BNIP1: variants seen among roughly 807,000 people sequenced by gnomAD.
The protein encoded by BNIP1 is vesicle transport protein SEC20.
Under a neutral mutation model 28.5 loss-of-function variants are expected in BNIP1, and 25 were observed. The ratio of observed to expected loss-of-function variants is 0.88; its 90% CI spans 0.64 to 1.23. The LOEUF is 1.23. Ranked by LOEUF, BNIP1 falls within the 50% of genes most tolerant of loss-of-function variation. The probability of loss-of-function intolerance (pLI) is 0.00; values close to 1 mark genes in which losing one functional copy is unlikely to be tolerated. For synonymous variants in BNIP1, 118 were observed against 101.7 expected, an observed-to-expected ratio of 1.16 and a Z score of -0.96; for missense variants, 276 against 277.0, an observed-to-expected ratio of 1.00 and a Z score of 0.02.
chr5:173,160,911 C>G (rs1171176180), intron 5 of BNIP1: 1 of 456,160 alleles, frequency 2.2e-6, no homozygotes. Flanking sequence ...AGAGTGTCTC[C>G]TCTGTGATGG....
In BNIP1 at chr5:173,163,736, C is replaced by T. The variant is rs754530794; in HGVS notation, c.502C>T (p.Arg168Ter). The stretch of plus-strand genomic sequence containing the variant: ...CTCTTTTGTTTCAGTCACTTCTTCA[C>T]GAACGATCCTGGATGCAAATGAAGA... ...EAMQSLVTSSRTILDANEEFK... is the reference protein window; with the variant it reads ...EAMQSLVTSS The change falls in exon 6 of 6, where the codon CGA becomes TGA. Residue 168 changes from arginine (R) to a stop codon, truncating the protein, a stop_gained. Transcript: ENST00000351486. LOFTEE classifies it high-confidence loss of function. 27 of 1,598,504 alleles carry T rather than the reference C, an allele frequency of 1.7e-5. No individual in the cohort carries two copies. Among genetic ancestry groups the T allele is most frequent in the Admixed American group, 6.9e-5 (4 of 58,004 alleles).
chr5:173,145,189 G>T (rs1168669103), intron 1 of BNIP1: 1 of 153,918 alleles, frequency 6.5e-6, no homozygotes, highest in Non-Finnish European at 1.4e-5. Context: ...CTGGGTCAGT[G>T]GCAAAACTGG....
chr5:173,150,239 C>T (rs569250116), intron 2 of BNIP1, among the ~76,000 whole-genome samples: 51 of 145,412 alleles, frequency 3.5e-4, no homozygotes, highest in African/African-American at 1.0e-3. Flanking sequence ...GCCTGGGTGA[C>T]GGAGCAAGAC....
At chr5:173,148,598 C>T (rs1354810918) in intron 2 of BNIP1, among the ~76,000 whole-genome samples, 1 of 152,074 alleles carries the variant, frequency 6.6e-6, no homozygotes, top group Admixed American at 6.5e-5. Context: ...TAGGCCCTCT[C>T]CCTGAGGACA....
intron 3 of BNIP1, 149 bp from the exon 4 acceptor site, chr5:173,158,595 G>T: frequency 1.6e-6 from 1 of 612,018 alleles, no homozygotes. Flanking sequence ...GGAACCAGGA[G>T]GCGGAAGTGG....
chr5:173,157,757 C>A (rs1444169876), intron 3 of BNIP1, among the ~76,000 whole-genome samples: 2 of 152,126 alleles, frequency 1.3e-5, no homozygotes, highest in Admixed American at 6.6e-5. Flanking sequence ...CACCAACTTT[C>A]CGTTATCACC....
Position 173,158,820 on chromosome 5 carries a change from C to T in BNIP1, c.346C>T (p.Gln116Ter). 1 of 1,613,970 alleles carries T rather than the reference C, an allele frequency of 6.2e-7. No individual in the cohort carries two copies. The highest frequency in any genetic ancestry group is 8.5e-7 in the Non-Finnish European group (1 of 1,179,890). Residue 116 changes from glutamine to a stop codon, truncating the protein, a stop_gained, in exon 4 of 6, where the codon CAG becomes TAG. Coordinates refer to ENST00000351486, the MANE Select transcript of BNIP1 (RefSeq NM_001205.3). LOFTEE classifies it high-confidence loss of function. ...IDNLEKAELL[Q>*]GGDLLRQRKT... ...CAATCTAGAGAAAGCAGAACTTCTTCAGGGAGGAGATCTCTTAAGGCAAAG... is the reference window on the plus strand; with the variant it reads ...CAATCTAGAGAAAGCAGAACTTCTTTAGGGAGGAGATCTCTTAAGGCAAAG...
At chr5:173,158,889 A>C (rs973200892) in intron 4 of BNIP1, 44 bp downstream of exon 4, 1 of 1,502,842 alleles carries the variant, frequency 6.7e-7, no homozygotes, top group Non-Finnish European at 9.2e-7. Context: ...ATAATAGATA[A>C]CAATTGGCAA....
chr5:173,155,190 G>A (rs1189186815), intron 3 of BNIP1, among the ~76,000 whole-genome samples: 1 of 152,120 alleles, frequency 6.6e-6, no homozygotes, highest in Non-Finnish European at 1.5e-5. Context: ...AACCAAAATC[G>A]AGGTTGTAAT....
chr5:173,157,921 TG>T (rs1760247076), intron 3 of BNIP1, among the ~76,000 whole-genome samples: 1 of 150,290 alleles, frequency 6.7e-6, no homozygotes, highest in African/African-American at 2.4e-5. Context: ...TGTGTGTGTG[TG>T]TGTGTTTTTT....
At chr5:173,154,249 G>T in intron 2 of BNIP1, 73 bp from the exon 3 acceptor site, 1 of 1,425,064 alleles carries the variant, frequency 7.0e-7, no homozygotes. Context: ...GCCCTTGGCA[G>T]AAATAGAAAT....
At position 173,146,849 on chromosome 5, in the gene BNIP1, T is replaced by C. The variant is rs1759850291; in HGVS notation, c.85-17T>C. 21 of 1,594,976 alleles carry C rather than the reference T, an allele frequency of 1.3e-5. No individual in the cohort carries two copies. Among genetic ancestry groups the C allele is most frequent in the Non-Finnish European group, 1.7e-5 (20 of 1,162,930 alleles). Reference sequence around the variant, plus strand: ...ATTGCCTTGAGAAAGGCCTTTCATCTGTTCAATGTCTCCTAGGATATCCGT... The same window carrying C: ...ATTGCCTTGAGAAAGGCCTTTCATCCGTTCAATGTCTCCTAGGATATCCGT... On this transcript the variant is annotated splice_polypyrimidine_tract_variant and intron_variant, in intron 1 of 5. Transcript: ENST00000351486.
rs1760073842 is a variant in BNIP1 at position 173,153,289 on chromosome 5, G to A, written c.178-1033G>A. ...GTCGCCCAGGCTGGAGTGCAGTGGC[G>A]CAGTCTTGGCTTGCTGCAAGCTCTG... On this transcript the variant is annotated intron_variant, in intron 2 of 5. Coordinates refer to ENST00000351486, the MANE Select transcript of BNIP1 (RefSeq NM_001205.3). Among the ~76,000 whole-genome samples, 4 of 151,162 alleles carry A rather than the reference G, an allele frequency of 2.6e-5. No homozygotes were observed. In the South Asian group the frequency reaches 8.4e-4, roughly 32 times the overall value.
At chr5:173,163,063 C>T (rs1235271317) in intron 5 of BNIP1, among the ~76,000 whole-genome samples, 1 of 152,182 alleles carries the variant, frequency 6.6e-6, no homozygotes, top group Non-Finnish European at 1.5e-5. Context: ...GAGAACCTCG[C>T]CAGGTACACC....
At chr5:173,151,433 G>A (rs1760013899) in intron 2 of BNIP1, 3 of 923,490 alleles carry the variant, frequency 3.2e-6, no homozygotes, top group Middle Eastern at 3.4e-4. Flanking sequence ...TGTTGCTCAG[G>A]CTGGACTTGA....
chr5:173,160,698 G>A, intron 5 of BNIP1: 1 of 417,646 alleles, frequency 2.4e-6, no homozygotes. Flanking sequence ...GAGGGCTCTG[G>A]GGACCCATAT....
Position 173,163,974 on chromosome 5 carries a change from C to T in BNIP1, c.*53C>T, listed in dbSNP as rs1760439805. 2.0e-6 allele frequency: 3 copies of T among 1,505,898 alleles called. No individual in the cohort carries two copies. The highest frequency in any genetic ancestry group is 2.7e-6 in the Non-Finnish European group (3 of 1,118,608). 93.3% of individuals were successfully genotyped at this position (1,505,898 alleles called of 1,614,324 possible). On this transcript the variant is annotated 3_prime_UTR_variant, in exon 6 of 6. Transcript: ENST00000351486. ...TTCAGCTCCTGTTTCAGGATCTGTC[C>T]TGGTTCCTGAGCTCTAGGCTGCTAA... is the stretch of plus-strand genomic sequence containing the variant.
intron 2 of BNIP1, among the ~76,000 whole-genome samples, chr5:173,153,258 C>A (rs890652144): frequency 6.6e-6 from 1 of 151,214 alleles, no homozygotes; most frequent in Non-Finnish European, 1.5e-5. Flanking sequence ...GAGACAGTCT[C>A]TCTCTGTCGC....
chr5:173,163,913 T>A lies in BNIP1; in HGVS notation c.679T>A (p.Phe227Ile). The part of the protein sequence containing the change: ...LYIVKKRLFP[F>I]L ...TATTGTGAAAAAGCGGCTCTTTCCATTTTTGTGAGATCCCAAAGGTGCCAG... is the reference window on the plus strand; with the variant it reads ...TATTGTGAAAAAGCGGCTCTTTCCAATTTTGTGAGATCCCAAAGGTGCCAG... Residue 227 changes from phenylalanine to isoleucine, a missense_variant, in exon 6 of 6, where the codon TTT becomes ATT. Transcript: ENST00000351486. The A allele has an allele frequency of 1.2e-6, 2 of 1,601,442 alleles. No individual in the cohort carries two copies. Among genetic ancestry groups the A allele is most frequent in the East Asian group, 4.5e-5 (2 of 44,648 alleles).
Sources: gnomAD v4.1 joint callset for allele counts (sites outside exome capture counted in the v4.1 genomes callset) on GRCh38, gnomAD v4.1.1 for gene constraint, MANE v1.5 for transcripts, NCBI Gene and HGNC (gene_info 2026-07-23, HGNC 2026-07-21) for gene names.